Variants in ACYP2 observed in about 807,000 individuals in gnomAD.
The protein encoded by ACYP2 is acylphosphatase-2.
Under a neutral mutation model 11.2 loss-of-function variants are expected in ACYP2, and 12 were observed. The observed-to-expected ratio is 1.08, with a 90% confidence interval of 0.69 to 1.74. The LOEUF (loss-of-function observed/expected upper bound fraction) is 1.74. Among genes scored for constraint, ACYP2 ranks in the 40% most tolerant of loss-of-function variants. The pLI, the probability that ACYP2 is intolerant of heterozygous loss-of-function variation, is 0.00. For synonymous variants in ACYP2, 43 were observed against 32.2 expected (o/e 1.33, Z -1.13); for missense variants, 134 against 101.9 (o/e 1.31, Z -1.35).
chr2:54,262,375 G>A (rs904676155), intron 6 of ACYP2, among the ~76,000 whole-genome samples: 10 of 152,244 alleles, frequency 6.6e-5, no homozygotes, highest in South Asian at 2.1e-4. Flanking sequence ...TAAGTAATAC[G>A]TTTTAAATGC....
At chr2:54,095,310 C>T (rs1678464294) in intron 4 of ACYP2, among the ~76,000 whole-genome samples, 1 of 152,234 alleles carries the variant, frequency 6.6e-6, no homozygotes, top group Admixed American at 6.5e-5. Flanking sequence ...GGCAACCATC[C>T]GATTTCTCAA....
intron 4 of ACYP2, among the ~76,000 whole-genome samples, chr2:54,118,690 TG>T (rs1679960345): frequency 6.6e-6 from 1 of 152,192 alleles, no homozygotes; most frequent in South Asian, 2.1e-4. Flanking sequence ...AGTAAAAATA[TG>T]GAAAAGAGAA....
At chr2:54,169,498 A>G (rs963373771) in intron 6 of ACYP2, among the ~76,000 whole-genome samples, 1 of 152,100 alleles carries the variant, frequency 6.6e-6, no homozygotes, top group African/African-American at 2.4e-5. Flanking sequence ...TATGTTGGCC[A>G]TGATGGCCTC....
intron 6 of ACYP2, chr2:54,255,575 G>C (rs763306307): frequency 1.9e-6 from 3 of 1,612,530 alleles, no homozygotes; most frequent in East Asian, 2.2e-5. Context: ...AGGGGCCCGG[G>C]CCCGGGCCCA....
intron 2 of ACYP2, among the ~76,000 whole-genome samples, chr2:54,036,911 T>A (rs1674930640): frequency 6.6e-6 from 1 of 152,182 alleles, no homozygotes; most frequent in Non-Finnish European, 1.5e-5. Context: ...CTTCCCTGGA[T>A]GATGCCTTGA....
intron 6 of ACYP2, among the ~76,000 whole-genome samples, chr2:54,267,599 A>G (rs766618063): frequency 5.9e-5 from 9 of 152,180 alleles, no homozygotes; most frequent in Non-Finnish European, 8.8e-5. Context: ...AAATTTAAAG[A>G]TCATTCTGGA....
intron 6 of ACYP2, among the ~76,000 whole-genome samples, chr2:54,280,127 A>G (rs1243815360): frequency 1.3e-5 from 2 of 152,148 alleles, no homozygotes; most frequent in African/African-American, 4.8e-5. Context: ...CATTGCACCT[A>G]CTAAGGAATG....
At chr2:54,159,274 G>C (rs557764918) in intron 6 of ACYP2, among the ~76,000 whole-genome samples, 1 of 151,992 alleles carries the variant, frequency 6.6e-6, no homozygotes, top group South Asian at 2.1e-4. Context: ...GTCACGTGAA[G>C]GTGGCATACC....
At chr2:54,248,415 A>C (rs896158821) in intron 6 of ACYP2, among the ~76,000 whole-genome samples, 1 of 152,202 alleles carries the variant, frequency 6.6e-6, no homozygotes, top group African/African-American at 2.4e-5. Context: ...TGATTTACTT[A>C]AAGGGTCCAC....
intron 2 of ACYP2, among the ~76,000 whole-genome samples, chr2:53,987,681 A>T (rs1467271120): frequency 6.6e-6 from 1 of 152,230 alleles, no homozygotes; most frequent in East Asian, 1.9e-4. Flanking sequence ...TCTGATAAGC[A>T]TGCCATGATC....
chr2:54,249,962 A>G (rs1048574832), intron 6 of ACYP2, among the ~76,000 whole-genome samples: 15 of 151,482 alleles, frequency 9.9e-5, no homozygotes, highest in African/African-American at 3.1e-4. Flanking sequence ...AAAAAAAAAA[A>G]AAAAGAAAAC....
At chr2:54,178,781 T>C (rs373372019) in intron 6 of ACYP2, among the ~76,000 whole-genome samples, 5 of 151,884 alleles carry the variant, frequency 3.3e-5, no homozygotes, top group African/African-American at 1.2e-4. Flanking sequence ...ACACTAAGAG[T>C]AGGGTTTTAA....
chr2:53,990,787 T>C (rs1032105961), intron 2 of ACYP2, among the ~76,000 whole-genome samples: 2 of 151,308 alleles, frequency 1.3e-5, no homozygotes, highest in Non-Finnish European at 3.0e-5. Context: ...GAATTTGCGT[T>C]TTTTTTTTGT....
chr2:54,142,087 T>C (rs115376129), intron 6 of ACYP2: 6,485 of 398,884 alleles, frequency 0.016, 81 homozygotes, highest in Middle Eastern at 0.03. Context: ...TTGCTCAGGC[T>C]GGTATAGGAC....
chr2:54,297,760 A>ATG (rs1377633820), intron 6 of ACYP2, among the ~76,000 whole-genome samples: 3 of 95,706 alleles, frequency 3.1e-5, no homozygotes, highest in African/African-American at 6.0e-5. Flanking sequence ...AGCAAGAAAA[A>ATG]TATGAGTATA....
At chr2:54,015,542 C>T (rs182561763) in intron 2 of ACYP2, among the ~76,000 whole-genome samples, 3 of 151,706 alleles carry the variant, frequency 2.0e-5, no homozygotes, top group Non-Finnish European at 4.4e-5. Flanking sequence ...CCCAGCTACT[C>T]CTGAGGCTGA....
In ACYP2 at chr2:54,143,738, T is replaced by G. The variant is rs868061886; in HGVS notation, c.404+4990T>G. On this transcript the variant is annotated intron_variant, in intron 6 of 6. Coordinates refer to ENST00000607452, the MANE Select transcript of ACYP2 (RefSeq NM_001320586.2). ...TGAGCCACCATACCCAGCCGGTTTT[T>G]TTTTTTTTTTTTTTTTTTTGGGGGG... is the stretch of plus-strand genomic sequence containing the variant. Among the ~76,000 whole-genome samples the G allele has an allele frequency of 1.2e-3, 129 of 103,698 alleles. 1 individual carries two copies. The East Asian group carries it at 0.015, about 12-fold the overall frequency. 68.0% of individuals were successfully genotyped at this position (103,698 alleles called of 152,430 possible).
At chr2:54,120,695 C>G (rs1559039) in intron 4 of ACYP2, among the ~76,000 whole-genome samples, 1 of 152,114 alleles carries the variant, frequency 6.6e-6, no homozygotes, top group Non-Finnish European at 1.5e-5. Context: ...TGCGCTCAGG[C>G]TGTGCTACTG....
At chr2:54,225,877 T>C (rs1262714143) in intron 6 of ACYP2, among the ~76,000 whole-genome samples, 1 of 152,192 alleles carries the variant, frequency 6.6e-6, no homozygotes, top group African/African-American at 2.4e-5. Flanking sequence ...AGGGGAGACA[T>C]TCCAGAAGAT....
Sources: allele counts gnomAD v4.1 joint callset (sites outside exome capture counted in the v4.1 genomes callset), GRCh38; gene constraint gnomAD v4.1.1; transcripts MANE v1.5; gene names NCBI Gene and HGNC (gene_info 2026-07-23, HGNC 2026-07-21).